ZCCHC4: variants seen among roughly 807,000 people sequenced by gnomAD.
ZCCHC4 encodes zinc finger CCHC-type containing 4.
In ZCCHC4, 54 loss-of-function variants were observed where a neutral mutation model predicts 67.7. The ratio of observed to expected loss-of-function variants is 0.80; its 90% CI spans 0.64 to 1.00. ZCCHC4 has a LOEUF of 1.00. Ranked by LOEUF, ZCCHC4 falls within the 50% of genes least tolerant of loss-of-function variation. ZCCHC4 has a pLI of 0.00. For synonymous variants in ZCCHC4, 198 were observed against 213.5 expected, an observed-to-expected ratio of 0.93 and a Z score of 0.63; for missense variants, 609 against 617.0, an observed-to-expected ratio of 0.99 and a Z score of 0.14.
intron 3 of ZCCHC4, among the ~76,000 whole-genome samples, chr4:25,324,877 G>A (rs927575279): frequency 6.6e-6 from 1 of 152,014 alleles, no homozygotes; most frequent in Non-Finnish European, 1.5e-5. Context: ...TTTTGAATTG[G>A]GCTAATTGTC....
At chr4:25,329,614 A>C (rs1423700355) in intron 3 of ZCCHC4, among the ~76,000 whole-genome samples, 2 of 147,316 alleles carry the variant, frequency 1.4e-5, no homozygotes, top group Non-Finnish European at 3.0e-5. Flanking sequence ...GGCTCACTGC[A>C]ACCTCTGCCT....
intron 5 of ZCCHC4, 112 bp from the exon 6 acceptor site, chr4:25,345,436 A>T (rs1313491604): frequency 2.8e-6 from 2 of 712,920 alleles, no homozygotes; most frequent in Non-Finnish European, 4.7e-6. Flanking sequence ...TTATTTCAAA[A>T]AACTAAAAAA....
chr4:25,319,004 A>G (rs1171840582), intron 3 of ZCCHC4, among the ~76,000 whole-genome samples: 4 of 152,212 alleles, frequency 2.6e-5, no homozygotes, highest in African/African-American at 9.7e-5. Context: ...AAGCATTTAA[A>G]ATGCTAGTAA....
intron 5 of ZCCHC4, among the ~76,000 whole-genome samples, chr4:25,339,165 G>A (rs985606336): frequency 2.0e-5 from 3 of 152,170 alleles, no homozygotes; most frequent in Admixed American, 6.5e-5. Context: ...TCAGATTGGA[G>A]TAAGGCTCAC....
At chr4:25,318,349 C>CTTTTTTTTTTTTTTTTTTTTTTT (rs528144406) in intron 3 of ZCCHC4, among the ~76,000 whole-genome samples, 3 of 45,508 alleles carry the variant, frequency 6.6e-5, no homozygotes, top group East Asian at 8.0e-4. Flanking sequence ...CACTCTCTCT[C>CTTTTTTTTTTTTTTTTTTTTTTT]TTTTTTTTTT....
In ZCCHC4 at chr4:25,349,581, T is replaced by C. The variant is rs544928156; in HGVS notation, c.849T>C (p.Val283=). The change falls in exon 7 of 13, where the codon GTT becomes GTC. Residue 283 remains valine, a synonymous_variant. Coordinates refer to ENST00000302874, the MANE Select transcript of ZCCHC4 (RefSeq NM_024936.3). ...CGGATCCTCCGTTTGGTGGCTTGGT[T>C]GAACCTCTGGCTATTACATTCAAGA... The part of the protein sequence containing the change: ...MVTDPPFGGL[V]EPLAITFKKL... The C allele has an allele frequency of 6.2e-7, 1 of 1,614,054 alleles. No homozygotes were observed. The highest frequency in any genetic ancestry group is 2.2e-5 in the East Asian group (1 of 44,870).
In ZCCHC4 at chr4:25,332,674, C is replaced by T. The variant is rs145652256; in HGVS notation, c.330-509C>T. ...TGTTGTTTTGGAGGTGAGCTTATAA[C>T]TCCATCAGTACTGCTAAGAACAGAG... On this transcript the variant is annotated intron_variant, in intron 3 of 12. Coordinates refer to ENST00000302874, the MANE Select transcript of ZCCHC4 (RefSeq NM_024936.3). 6.0e-3 allele frequency among the ~76,000 whole-genome samples: 909 copies of T among 152,292 alleles called. 6 individuals are homozygous for T. Among genetic ancestry groups the T allele is most frequent in the Non-Finnish European group, 8.5e-3 (577 of 68,020 alleles).
At chr4:25,354,840 T>C (rs1299591090) in intron 8 of ZCCHC4, among the ~76,000 whole-genome samples, 1 of 151,476 alleles carries the variant, frequency 6.6e-6, no homozygotes, top group Non-Finnish European at 1.5e-5. Flanking sequence ...ATATTAGCCT[T>C]CATTGAATGA....
intron 3 of ZCCHC4, among the ~76,000 whole-genome samples, chr4:25,325,588 G>T (rs1023888209): frequency 9.9e-5 from 15 of 152,098 alleles, no homozygotes; most frequent in Admixed American, 9.8e-4. Flanking sequence ...GGTATCCTTT[G>T]CTGTGCAAAA....
intron 12 of ZCCHC4, chr4:25,366,200 C>T (rs1011057412): frequency 3.1e-6 from 3 of 971,702 alleles, no homozygotes; most frequent in Non-Finnish European, 3.7e-6. Context: ...ATTCTGGCTA[C>T]TATTACAACT....
At chr4:25,360,876 T>C (rs931476536) in intron 8 of ZCCHC4, among the ~76,000 whole-genome samples, 11 of 152,322 alleles carry the variant, frequency 7.2e-5, no homozygotes, top group Non-Finnish European at 1.3e-4. Context: ...AACCTAGTAC[T>C]GATACCATAT....
At chr4:25,366,201 T>C (rs2109096304) in intron 12 of ZCCHC4, 2 of 972,454 alleles carry the variant, frequency 2.1e-6, no homozygotes, top group African/African-American at 1.8e-5. Context: ...TTCTGGCTAC[T>C]ATTACAACTG....
At chr4:25,322,391 T>C (rs1718628369) in intron 3 of ZCCHC4, among the ~76,000 whole-genome samples, 1 of 152,252 alleles carries the variant, frequency 6.6e-6, no homozygotes, top group African/African-American at 2.4e-5. Context: ...TCTGTCTCTA[T>C]GGATTTGCCT....
At chr4:25,321,174 CTCTT>C (rs895176552) in intron 3 of ZCCHC4, among the ~76,000 whole-genome samples, 23 of 152,016 alleles carry the variant, frequency 1.5e-4, no homozygotes, top group Middle Eastern at 6.8e-3. Flanking sequence ...CTCTGTCTGT[CTCTT>C]TCTTTCTTTC....
intron 3 of ZCCHC4, among the ~76,000 whole-genome samples, chr4:25,324,012 G>GTCTTTTTTTTTTTT (rs1250841223): frequency 5.4e-5 from 1 of 18,590 alleles, no homozygotes. Flanking sequence ...ACTGTTTTTT[G>GTCTTTTTTTTTTTT]TGTTTTTTTT....
At chr4:25,323,117 C>G (rs927634331) in intron 3 of ZCCHC4, among the ~76,000 whole-genome samples, 1 of 152,198 alleles carries the variant, frequency 6.6e-6, no homozygotes, top group Non-Finnish European at 1.5e-5. Flanking sequence ...TTACAAAGCT[C>G]CCCATCAGCC....
chr4:25,335,775 A>G (rs1362253372), intron 5 of ZCCHC4, among the ~76,000 whole-genome samples: 1 of 152,136 alleles, frequency 6.6e-6, no homozygotes, highest in Non-Finnish European at 1.5e-5. Context: ...AAATAAAATG[A>G]AGTGTAGCTT....
chr4:25,322,329 A>G (rs1413059817), intron 3 of ZCCHC4, among the ~76,000 whole-genome samples: 1 of 151,886 alleles, frequency 6.6e-6, no homozygotes, highest in African/African-American at 2.4e-5. Context: ...GTCAGCAGTT[A>G]CTCCCATTTC....
intron 8 of ZCCHC4, among the ~76,000 whole-genome samples, chr4:25,356,494 A>T (rs1422317444): frequency 6.6e-6 from 1 of 152,106 alleles, no homozygotes; most frequent in Non-Finnish European, 1.5e-5. Flanking sequence ...AAAGTCAAGC[A>T]ATCAACCACC....
Sources: gnomAD v4.1 joint callset for allele counts (sites outside exome capture counted in the v4.1 genomes callset) on GRCh38, gnomAD v4.1.1 for gene constraint, MANE v1.5 for transcripts, NCBI Gene and HGNC (gene_info 2026-07-23, HGNC 2026-07-21) for gene names.